The following KIF26B variants were observed in gnomAD, a reference collection of about 807,000 sequenced individuals.
KIF26B encodes kinesin-like protein KIF26B.
Under a neutral mutation model 151.2 loss-of-function variants are expected in KIF26B, and 63 were observed. That is an observed-to-expected ratio of 0.42 (90% confidence interval 0.34 to 0.51). The LOEUF (loss-of-function observed/expected upper bound fraction) is 0.51, where lower values mean the gene tolerates loss of function less well. KIF26B is among the 20% of genes least tolerant of loss of function. KIF26B has a pLI of 0.07. For synonymous variants in KIF26B, 1,357 were observed against 1,262.1 expected (o/e 1.08, Z -1.59); for missense variants, 2,813 against 2,913.6 (o/e 0.97, Z 0.79).
intron 10 of KIF26B, among the ~76,000 whole-genome samples, chr1:245,650,037 C>T (rs564494101): frequency 6.6e-6 from 1 of 152,328 alleles, no homozygotes; most frequent in East Asian, 1.9e-4. Flanking sequence ...ATGGCACAGG[C>T]TTGCCGGCCA....
intron 5 of KIF26B, among the ~76,000 whole-genome samples, chr1:245,547,176 A>G (rs1661763392): frequency 6.6e-6 from 1 of 152,196 alleles, no homozygotes; most frequent in South Asian, 2.1e-4. Flanking sequence ...GCTTTCTTCT[A>G]TGCCATGCCA....
intron 3 of KIF26B, among the ~76,000 whole-genome samples, chr1:245,383,133 GCTCT>G (rs1469722078): frequency 3.3e-5 from 5 of 151,580 alleles, no homozygotes; most frequent in Admixed American, 3.3e-4. Context: ...ACAGAGCATG[GCTCT>G]CTGCTTATTG....
In KIF26B at chr1:245,366,906, C is replaced by T. The variant is rs374672800; in HGVS notation, c.538C>T (p.Arg180Trp). Reference sequence around the variant, plus strand: ...CACCATCCGGAAGGCATGGAACGACCGGGACAACCGCTGTGACATTTGCGC... The same window carrying T: ...CACCATCCGGAAGGCATGGAACGACTGGGACAACCGCTGTGACATTTGCGC... ...PNTIRKAWND[R>W]DNRCDICATH... Residue 180 changes from arginine (R) to tryptophan (W), a missense_variant, in exon 3 of 15, where the codon CGG becomes TGG. Arg to Trp is a moderately radical substitution (Grantham distance 101). Around this residue, in one of 3 missense-constraint regions of KIF26B, gnomAD observed 676 missense variants for 688.1 expected, o/e 0.98. Coordinates refer to ENST00000407071, the MANE Select transcript of KIF26B (RefSeq NM_018012.4). 22 of 1,613,870 alleles carry T rather than the reference C, an allele frequency of 1.4e-5. No homozygotes were observed. The highest frequency in any genetic ancestry group is 2.7e-5 in the African/African-American group (2 of 74,922).
At chr1:245,232,156 G>T (rs1184012880) in intron 2 of KIF26B, among the ~76,000 whole-genome samples, 1 of 152,238 alleles carries the variant, frequency 6.6e-6, no homozygotes, top group African/African-American at 2.4e-5. Context: ...AATGGAGCTA[G>T]ATTGCAATGT....
At chr1:245,598,769 T>C (rs1771528) in intron 5 of KIF26B, among the ~76,000 whole-genome samples, 77,375 of 152,002 alleles carry the variant, frequency 0.51, 20,101 homozygotes, top group African/African-American at 0.61. Context: ...ACAACTGCTG[T>C]CCAGAGCAAC....
At chr1:245,676,577 T>C (rs1303420544) in intron 10 of KIF26B, 2 of 152,236 alleles carry the variant, frequency 1.3e-5, no homozygotes, top group Non-Finnish European at 2.9e-5. Context: ...GTAGGTTGAA[T>C]TGCCATGAAT....
At chr1:245,180,704 C>T (rs1252925796) in intron 2 of KIF26B, among the ~76,000 whole-genome samples, 1 of 152,026 alleles carries the variant, frequency 6.6e-6, no homozygotes, top group Non-Finnish European at 1.5e-5. Context: ...CCAGTGGTCA[C>T]CATGGAAATG....
chr1:245,652,145 T>TGTGTGTGGGA (rs368258830), intron 10 of KIF26B, among the ~76,000 whole-genome samples: 2,711 of 142,724 alleles, frequency 0.019, 53 homozygotes, highest in African/African-American at 0.045. Flanking sequence ...TGTGTGTGTG[T>TGTGTGTGGGA]GAGAGAGACA....
intron 4 of KIF26B, among the ~76,000 whole-genome samples, chr1:245,491,520 T>C (rs189015029): frequency 2.4e-4 from 37 of 152,336 alleles, no homozygotes; most frequent in African/African-American, 8.4e-4. Flanking sequence ...CCTTGGGGAA[T>C]GTTCCCGTAG....
At chr1:245,309,670 T>TAATA (rs1199589300) in intron 2 of KIF26B, among the ~76,000 whole-genome samples, 1 of 147,942 alleles carries the variant, frequency 6.8e-6, no homozygotes, top group African/African-American at 2.5e-5. Flanking sequence ...TGAAATAAAT[T>TAATA]AATAAATATC....
At chr1:245,315,546 AC>A (rs1671752739) in intron 2 of KIF26B, among the ~76,000 whole-genome samples, 1 of 151,774 alleles carries the variant, frequency 6.6e-6, no homozygotes, top group Non-Finnish European at 1.5e-5. Flanking sequence ...ATGTGGTGAA[AC>A]CCCGTCTCTA....
intron 2 of KIF26B, among the ~76,000 whole-genome samples, chr1:245,162,341 C>A (rs145528184): frequency 5.7e-5 from 8 of 139,990 alleles, no homozygotes; most frequent in Non-Finnish European, 1.1e-4. Flanking sequence ...CCCAATCGCT[C>A]TTTTATACCT....
intron 2 of KIF26B, among the ~76,000 whole-genome samples, chr1:245,225,373 T>C (rs1251615116): frequency 6.6e-6 from 1 of 152,248 alleles, no homozygotes; most frequent in Non-Finnish European, 1.5e-5. Context: ...CCACAGGCTG[T>C]ACTTTCCTGT....
intron 9 of KIF26B, among the ~76,000 whole-genome samples, chr1:245,627,145 T>C (rs1455727250): frequency 6.6e-6 from 1 of 152,214 alleles, no homozygotes; most frequent in African/African-American, 2.4e-5. Context: ...TTCCTAGTAG[T>C]GTATTTTGAA....
intron 9 of KIF26B, among the ~76,000 whole-genome samples, chr1:245,641,473 G>C (rs1340852333): frequency 6.6e-6 from 1 of 151,896 alleles, no homozygotes; most frequent in Non-Finnish European, 1.5e-5. Context: ...CCAAATATTT[G>C]CTCTTTTGAT....
chr1:245,423,388 G>A (rs1016319454), intron 4 of KIF26B, among the ~76,000 whole-genome samples: 6 of 152,120 alleles, frequency 3.9e-5, no homozygotes, highest in Admixed American at 3.3e-4. Context: ...GAGTGGCGGA[G>A]TGGGAAATCC....
rs1314501556 is a variant in KIF26B at position 245,367,190 on chromosome 1, C to T, written c.822C>T (p.Ser274=). The change falls in exon 3 of 15, where the codon AGC becomes AGT. Residue 274 remains serine (S), a synonymous_variant. Transcript: ENST00000407071. The surrounding 1 kb of genome is among the most constrained non-coding windows in gnomAD (Gnocchi z 4.2). The part of the protein sequence containing the change: ...HGSKPSSLGV[S]NGAEKKSGSP... ...GCAAACCCAGCAGCCTTGGGGTCAGCAATGGGGCGGAAAAGAAGAGCGGGT... is the reference window on the plus strand; with the variant it reads ...GCAAACCCAGCAGCCTTGGGGTCAGTAATGGGGCGGAAAAGAAGAGCGGGT... 6.2e-7 allele frequency: 1 copy of T among 1,608,582 alleles called. No individual in the cohort carries two copies.
At position 245,279,743 on chromosome 1, in the gene KIF26B, C is replaced by CTT. The variant is rs796421302; in HGVS notation, c.466-87080_466-87079dup. On this transcript the variant is annotated intron_variant, in intron 2 of 14. Coordinates refer to ENST00000407071, the MANE Select transcript of KIF26B (RefSeq NM_018012.4). ...TCTCATTTCTCCCCAAGTAATCACT[C>CTT]TTTTTTTTTTTTAGCTTGTGCTAAA... 4.8e-5 allele frequency among the ~76,000 whole-genome samples: 7 copies of CTT among 145,054 alleles called. No individual in the cohort carries two copies. In the Admixed American group the frequency reaches 4.8e-4, roughly 10 times the overall value.
chr1:245,492,928 G>A (rs576045570), intron 4 of KIF26B, among the ~76,000 whole-genome samples: 28 of 151,862 alleles, frequency 1.8e-4, no homozygotes, highest in South Asian at 4.2e-4. Flanking sequence ...CTACAGGCGC[G>A]CCCCACCACA....
Sources: allele counts gnomAD v4.1 joint callset (sites outside exome capture counted in the v4.1 genomes callset), GRCh38; gene constraint gnomAD v4.1.1; regional missense constraint gnomAD v4.1.1; non-coding constraint Gnocchi (gnomAD v3.1); transcripts MANE v1.5; gene names NCBI Gene and HGNC (gene_info 2026-07-23, HGNC 2026-07-21).